Variants in PRDM11 observed in about 807,000 individuals in gnomAD.
The protein encoded by PRDM11 is PR domain-containing protein 11.
Under a neutral mutation model 97.8 loss-of-function variants are expected in PRDM11, and 20 were observed. The observed-to-expected ratio is 0.20, with a 90% CI of 0.14 to 0.30. The LOEUF (loss-of-function observed/expected upper bound fraction) is 0.30. PRDM11 is among the 10% of genes least tolerant of loss of function. The probability of loss-of-function intolerance (pLI) is 1.00; values close to 1 mark genes in which losing one functional copy is unlikely to be tolerated. For missense variants in PRDM11, 1,139 were observed against 1,555.2 expected, an observed-to-expected ratio of 0.73 and a Z score of 4.50; for synonymous variants, 599 against 637.7, an observed-to-expected ratio of 0.94 and a Z score of 0.91.
chr11:45,109,168 G>T (rs1852121908), intron 1 of PRDM11, among the ~76,000 whole-genome samples: 1 of 152,152 alleles, frequency 6.6e-6, no homozygotes, highest in Non-Finnish European at 1.5e-5. Flanking sequence ...ACCCTCTTTG[G>T]GTCACCTCCT....
chr11:45,107,861 G>A lies in PRDM11; in HGVS notation c.96+11960G>A, dbSNP rs1215597240. Among the ~76,000 whole-genome samples, 4 of 147,712 alleles carry A rather than the reference G, an allele frequency of 2.7e-5. No individual in the cohort carries two copies. In the East Asian group the frequency reaches 5.9e-4, roughly 22 times the overall value. On this transcript the variant is annotated intron_variant, in intron 1 of 6. Coordinates refer to the PRDM11 transcript ENST00000530656. ...TTTTTTTTTTGTGAGACAGAGTCTC[G>A]CTCTGTCACCCAGGCTGGAGTGCAG...
intron 1 of PRDM11, among the ~76,000 whole-genome samples, chr11:45,119,653 C>G (rs1372647637): frequency 7.1e-6 from 1 of 140,632 alleles, no homozygotes; most frequent in African/African-American, 2.8e-5. Flanking sequence ...AAAAAAACAC[C>G]TGGTAAGGCC....
intron 1 of PRDM11, among the ~76,000 whole-genome samples, chr11:45,121,962 A>G (rs1356632840): frequency 6.6e-6 from 1 of 152,124 alleles, no homozygotes; most frequent in African/African-American, 2.4e-5. Context: ...ATTCTTAGAG[A>G]AAAAGATATA....
chr11:45,147,579 A>C (rs561586633), intron 1 of PRDM11: 1 of 152,814 alleles, frequency 6.5e-6, no homozygotes, highest in South Asian at 2.1e-4. Flanking sequence ...CGCAGTCCCC[A>C]AGGTACTCTC....
At chr11:45,158,380 G>A (rs1851851369) in intron 1 of PRDM11, among the ~76,000 whole-genome samples, 1 of 152,222 alleles carries the variant, frequency 6.6e-6, no homozygotes, top group African/African-American at 2.4e-5. Context: ...CTCCCTCCCT[G>A]CAGCTCCCAG....
At chr11:45,172,044 A>C in intron 1 of PRDM11, among the ~76,000 whole-genome samples, 1 of 152,176 alleles carries the variant, frequency 6.6e-6, no homozygotes, top group Non-Finnish European at 1.5e-5. Flanking sequence ...GACCAACATA[A>C]ATCCAGGGCT....
intron 1 of PRDM11, among the ~76,000 whole-genome samples, chr11:45,130,327 A>G (rs1238411219): frequency 1.3e-5 from 2 of 152,186 alleles, no homozygotes; most frequent in Admixed American, 1.3e-4. Flanking sequence ...CAAAATATAC[A>G]CTGGGATAAG....
At chr11:45,171,562 C>T (rs965898407) in intron 1 of PRDM11, among the ~76,000 whole-genome samples, 4 of 152,268 alleles carry the variant, frequency 2.6e-5, no homozygotes, top group Non-Finnish European at 4.4e-5. Context: ...GATGCTGTGG[C>T]CCCACCCTGT....
chr11:45,144,366 C>T (rs961117081), upstream of PRDM11, among the ~76,000 whole-genome samples: 7 of 152,204 alleles, frequency 4.6e-5, no homozygotes, highest in African/African-American at 1.7e-4. Context: ...GAAGCGCTGA[C>T]TCCCCAGCCT....
rs1170476625 is a variant in PRDM11, at chr11:45,226,390, A to G, written c.1765A>G (p.Met589Val). 3.9e-6 allele frequency: 6 copies of G among 1,533,848 alleles called. No individual in the cohort carries two copies. The highest frequency in any genetic ancestry group is 4.4e-6 in the Non-Finnish European group (5 of 1,146,748). Residue 589 changes from methionine to valine, a missense_variant, in exon 8 of 8, where the codon ATG becomes GTG. Physicochemically the swap from Met to Val is conservative, Grantham distance 21 (BLOSUM62 1). Transcript: ENST00000683152. Reference sequence around the variant, plus strand: ...GAAGACAGAGGAGATGTGTCGCAACATGACCCTGCTCTTCAACACCGCCTA... The same window carrying G: ...GAAGACAGAGGAGATGTGTCGCAACGTGACCCTGCTCTTCAACACCGCCTA... The part of the protein sequence containing the change: ...PEKTEEMCRN[M>V]TLLFNTAYHL...
In PRDM11 at chr11:45,133,163, T is replaced by C. The variant is rs529570426; in HGVS notation, c.96+37262T>C. On this transcript the variant is annotated intron_variant, in intron 1 of 6. Coordinates refer to the PRDM11 transcript ENST00000530656. Reference sequence around the variant, plus strand: ...CTCTTTCTAACACTTTTCATCCAAATAGCTCAAAAAGATAATCTGTGCTTT... The same window carrying C: ...CTCTTTCTAACACTTTTCATCCAAACAGCTCAAAAAGATAATCTGTGCTTT... Among the ~76,000 whole-genome samples the C allele has an allele frequency of 2.0e-5, 3 of 152,346 alleles. No homozygotes were observed. The South Asian group carries it at 6.2e-4, about 32-fold the overall frequency.
upstream of PRDM11, among the ~76,000 whole-genome samples, chr11:45,094,677 TG>T (rs1565214445): frequency 1.6e-5 from 1 of 63,994 alleles, no homozygotes; most frequent in African/African-American, 6.2e-5. Flanking sequence ...GAAGGAGGGA[TG>T]GAAGGATGGA....
At chr11:45,201,704 A>T (rs1016213860) in intron 4 of PRDM11, among the ~76,000 whole-genome samples, 1 of 152,126 alleles carries the variant, frequency 6.6e-6, no homozygotes, top group Non-Finnish European at 1.5e-5. Context: ...GCAGTGGCTC[A>T]TGCCTGTAAT....
chr11:45,198,171 C>A (rs1853199079), intron 4 of PRDM11, among the ~76,000 whole-genome samples: 3 of 152,186 alleles, frequency 2.0e-5, no homozygotes. Flanking sequence ...CAAAATGTTG[C>A]ACACATTTTA....
At chr11:45,180,427 G>A (rs1191110060) in intron 1 of PRDM11, among the ~76,000 whole-genome samples, 2 of 151,986 alleles carry the variant, frequency 1.3e-5, no homozygotes, top group African/African-American at 2.4e-5. Context: ...CCCGGCCTCC[G>A]CGGCGCTGTC....
chr11:45,114,192 C>T (rs1852252919), intron 1 of PRDM11, among the ~76,000 whole-genome samples: 1 of 151,802 alleles, frequency 6.6e-6, no homozygotes, highest in African/African-American at 2.4e-5. Flanking sequence ...ACTTAAAGAA[C>T]AAAAATGTTT....
At chr11:45,102,770 A>T (rs1851999928) in intron 1 of PRDM11, among the ~76,000 whole-genome samples, 1 of 152,258 alleles carries the variant, frequency 6.6e-6, no homozygotes, top group African/African-American at 2.4e-5. Flanking sequence ...CTCTGGCCAC[A>T]GAAGGTGGTG....
chr11:45,215,459 C>T (rs1341473591), intron 5 of PRDM11, among the ~76,000 whole-genome samples: 1 of 152,190 alleles, frequency 6.6e-6, no homozygotes, highest in Non-Finnish European at 1.5e-5. Context: ...GAAACCATTC[C>T]CAGGGCCTTC....
chr11:45,202,307 T>C (rs138764299), intron 4 of PRDM11, among the ~76,000 whole-genome samples: 1 of 152,192 alleles, frequency 6.6e-6, no homozygotes, highest in Non-Finnish European at 1.5e-5. Flanking sequence ...AATCGACAAA[T>C]AGATATCAAC....
Sources: allele counts gnomAD v4.1 joint callset (sites outside exome capture counted in the v4.1 genomes callset), GRCh38; gene constraint gnomAD v4.1.1; transcripts MANE v1.5; gene names NCBI Gene and HGNC (gene_info 2026-07-23, HGNC 2026-07-21).